Variants in RYR3 observed in about 807,000 individuals in gnomAD.
The protein encoded by RYR3 is brain ryanodine receptor-calcium release channel.
Under a neutral mutation model 584.3 loss-of-function variants are expected in RYR3, and 207 were observed. The observed-to-expected ratio is 0.35, with a 90% CI of 0.32 to 0.40. RYR3 has a LOEUF of 0.40. Ranked by LOEUF, RYR3 falls within the 10% of genes least tolerant of loss-of-function variation. The probability of loss-of-function intolerance (pLI) is 1.00; values close to 1 mark genes in which losing one functional copy is unlikely to be tolerated. For synonymous variants in RYR3, 2,416 were observed against 2,248.5 expected, an observed-to-expected ratio of 1.07 and a Z score of -2.11; for missense variants, 5,616 against 6,089.2, an observed-to-expected ratio of 0.92 and a Z score of 2.59.
chr15:33,834,589 C>G (rs1019465171), intron 86 of RYR3, among the ~76,000 whole-genome samples: 4 of 152,004 alleles, frequency 2.6e-5, no homozygotes, highest in Non-Finnish European at 5.9e-5. Context: ...TTCGCAGCAC[C>G]CTTGATCTCC....
intron 1 of RYR3, among the ~76,000 whole-genome samples, chr15:33,413,106 T>G (rs759134051): frequency 6.6e-6 from 1 of 152,226 alleles, no homozygotes; most frequent in African/African-American, 2.4e-5. Context: ...AAATGAGATG[T>G]TCTTCCAACC....
intron 40 of RYR3, among the ~76,000 whole-genome samples, chr15:33,698,806 T>C (rs1389409244): frequency 1.3e-5 from 2 of 152,122 alleles, no homozygotes; most frequent in East Asian, 3.9e-4. Context: ...AGCGAGCAGA[T>C]AGACTACAAG....
At position 33,646,504 on chromosome 15, in the gene RYR3, G is replaced by C. The variant is rs932601844; in HGVS notation, c.3919G>C (p.Asp1307His). 3.1e-6 allele frequency: 5 copies of C among 1,612,498 alleles called. No individual in the cohort carries two copies. The highest frequency in any genetic ancestry group is 4.2e-6 in the Non-Finnish European group (5 of 1,178,934). Residue 1307 changes from aspartate to histidine, a missense_variant, in exon 29 of 104, where the codon GAC becomes CAC. Asp to His is a moderately conservative substitution (Grantham distance 81). Transcript: ENST00000634891. The part of the protein sequence containing the change: ...HSSFSHSPCL[D>H]SEAFQKRKQM... ...CTCCTTCAGCCACAGCCCCTGTCTG[G>C]ACAGTGAAGCTTTCCAGAAAAGGTG...
chr15:33,853,662 A>G lies in RYR3; in HGVS notation c.13779A>G (p.Glu4593=). 1.2e-6 allele frequency: 2 copies of G among 1,613,884 alleles called. No individual in the cohort carries two copies. The highest frequency in any genetic ancestry group is 1.7e-6 in the Non-Finnish European group (2 of 1,179,832). Residue 4593 remains glutamate (E), a synonymous_variant, in exon 96 of 104, where the codon GAA becomes GAG. Coordinates refer to ENST00000634891, the MANE Select transcript of RYR3 (RefSeq NM_001036.6). The part of the protein sequence containing the change: ...DFSPVEETKA[E]AASLVSWLSS... ...GCCCAGTAGAAGAGACCAAAGCAGA[A>G]GCGGCTTCTCTGGTGTCATGGTACA...
At chr15:33,342,125 G>A (rs1392990065) in intron 1 of RYR3, among the ~76,000 whole-genome samples, 6 of 152,210 alleles carry the variant, frequency 3.9e-5, no homozygotes, top group Non-Finnish European at 5.9e-5. Context: ...GGAGCAGTGA[G>A]TCCTGCCCCC....
chr15:33,667,434 C>A (rs28595182), intron 36 of RYR3, among the ~76,000 whole-genome samples: 2 of 151,968 alleles, frequency 1.3e-5, no homozygotes, highest in African/African-American at 2.4e-5. Flanking sequence ...AAACAAGTAC[C>A]TGACTTTGAC....
intron 100 of RYR3, 98 bp downstream of exon 100, chr15:33,859,829 A>T: frequency 3.1e-6 from 4 of 1,273,502 alleles, no homozygotes; most frequent in Non-Finnish European, 4.3e-6. Flanking sequence ...GAAGCGTGTG[A>T]ATTCATTTAC....
intron 64 of RYR3, among the ~76,000 whole-genome samples, chr15:33,774,657 GA>G (rs895867345): frequency 2.6e-5 from 4 of 152,184 alleles, no homozygotes; most frequent in African/African-American, 7.2e-5. Flanking sequence ...ATAGCTTCCA[GA>G]ATACAAGAAA....
At chr15:33,481,116 T>G (rs1040494323) in intron 2 of RYR3, among the ~76,000 whole-genome samples, 1 of 152,246 alleles carries the variant, frequency 6.6e-6, no homozygotes, top group Non-Finnish European at 1.5e-5. Flanking sequence ...CTCATGCTAG[T>G]GTAGCCATAA....
intron 67 of RYR3, among the ~76,000 whole-genome samples, chr15:33,789,405 G>C (rs1452003804): frequency 3.3e-5 from 5 of 151,266 alleles, no homozygotes. Flanking sequence ...GGCAAGAGTG[G>C]AATGTGATCC....
chr15:33,717,987 C>T (rs950459832), intron 43 of RYR3, among the ~76,000 whole-genome samples: 1 of 152,190 alleles, frequency 6.6e-6, no homozygotes, highest in African/African-American at 2.4e-5. Context: ...ATGGTATGTC[C>T]TTACTATTTG....
chr15:33,845,387 G>A (rs946013652), intron 93 of RYR3, among the ~76,000 whole-genome samples: 9 of 152,100 alleles, frequency 5.9e-5, no homozygotes, highest in African/African-American at 2.2e-4. Flanking sequence ...CGAGTAGCTG[G>A]GATTACAGAT....
At chr15:33,478,714 A>G (rs996443656) in intron 2 of RYR3, among the ~76,000 whole-genome samples, 3 of 152,254 alleles carry the variant, frequency 2.0e-5, no homozygotes, top group African/African-American at 7.2e-5. Flanking sequence ...TTATTTAACT[A>G]CTATGGCCTT....
chr15:33,729,622 T>A (rs1221887988), intron 47 of RYR3, among the ~76,000 whole-genome samples: 1 of 152,046 alleles, frequency 6.6e-6, no homozygotes, highest in Non-Finnish European at 1.5e-5. Context: ...GTGAGATAGA[T>A]AAGGTAGTTC....
intron 98 of RYR3, 134 bp from the exon 99 acceptor site, chr15:33,857,646 G>C: frequency 9.4e-7 from 1 of 1,067,580 alleles, no homozygotes; most frequent in Non-Finnish European, 1.4e-6. Flanking sequence ...TTTCTTAGCC[G>C]CCCTCCACCC....
chr15:33,598,569 C>T (rs1472208683), intron 16 of RYR3, among the ~76,000 whole-genome samples: 3 of 151,808 alleles, frequency 2.0e-5, no homozygotes, highest in Non-Finnish European at 2.9e-5. Flanking sequence ...GAATCCCAAA[C>T]CAGTTTCTTA....
chr15:33,428,050 T>C (rs958565749), intron 1 of RYR3, among the ~76,000 whole-genome samples: 2 of 152,246 alleles, frequency 1.3e-5, no homozygotes, highest in African/African-American at 4.8e-5. Context: ...CATGGTGCCA[T>C]GCATTGTCTG....
intron 3 of RYR3, among the ~76,000 whole-genome samples, chr15:33,505,790 C>T (rs2052430575): frequency 6.6e-6 from 1 of 152,124 alleles, no homozygotes; most frequent in African/African-American, 2.4e-5. Flanking sequence ...CCACGCCTGG[C>T]CGGGAAACTT....
rs1187590473 is a variant in RYR3, at chr15:33,729,029, A to T, written c.7203+3A>T. The T allele has an allele frequency of 6.2e-7, 1 of 1,609,010 alleles. No individual in the cohort carries two copies. Among genetic ancestry groups the T allele is most frequent in the African/African-American group, 1.3e-5 (1 of 74,616 alleles). On this transcript the variant is annotated splice_donor_region_variant and intron_variant, in intron 47 of 103. Transcript: ENST00000634891. ...GAGCTTCTGCCTCTCTAGATACAGT[A>T]AGTTGCAAAAATAACAAAAAATTAT... is the stretch of plus-strand genomic sequence containing the variant.
Sources: allele counts gnomAD v4.1 joint callset (sites outside exome capture counted in the v4.1 genomes callset), GRCh38; gene constraint gnomAD v4.1.1; transcripts MANE v1.5; gene names NCBI Gene and HGNC (gene_info 2026-07-23, HGNC 2026-07-21).